FRMD7: variants seen among roughly 807,000 people sequenced by gnomAD.
The protein encoded by FRMD7 is FERM domain-containing protein 7.
Under a neutral mutation model 44.1 loss-of-function variants are expected in FRMD7, and 14 were observed. That is an observed-to-expected ratio of 0.32 (90% confidence interval 0.21 to 0.50). The LOEUF (loss-of-function observed/expected upper bound fraction) is 0.50. FRMD7 is among the 20% of genes least tolerant of loss of function. FRMD7 has a pLI of 0.99. For synonymous variants in FRMD7, 212 were observed against 187.4 expected (o/e 1.13, Z -1.07); for missense variants, 501 against 522.3 (o/e 0.96, Z 0.40).
intron 5 of FRMD7, among the ~76,000 whole-genome samples, chrX:132,093,438 C>T (rs1053360544): frequency 2.0e-4 from 22 of 112,390 alleles, no homozygotes; most frequent in African/African-American, 6.1e-4. Flanking sequence ...GCCTGCCAGG[C>T]ATCACCCCCT....
intron 11 of FRMD7, 116 bp from the exon 12 acceptor site, chrX:132,079,082 A>C (rs1927725054): frequency 1.6e-6 from 1 of 612,524 alleles, no homozygotes. Flanking sequence ...GTCATTTAAC[A>C]AGATCCATGT....
chrX:132,084,522 G>C lies in FRMD7; in HGVS notation c.709C>G (p.His237Asp). The change falls in exon 8 of 12, where the codon CAT becomes GAT. Residue 237 changes from histidine to aspartate, a missense_variant. By Grantham distance (81) the His-to-Asp change is moderately conservative. Coordinates refer to ENST00000298542, the MANE Select transcript of FRMD7 (RefSeq NM_194277.3). ...TTGGCATGAAGTTTGATGAGAAAAT[G>C]CTTTCTCTTAAAACTCAACTTGCGG... The part of the protein sequence containing the change: ...KIRKLSFKRK[H>D]FLIKLHANIL... 1 of 1,179,768 alleles carries C rather than the reference G, an allele frequency of 8.5e-7. No homozygotes were observed.
intron 1 of FRMD7, among the ~76,000 whole-genome samples, chrX:132,112,484 T>G (rs1928802119): frequency 1.8e-5 from 2 of 111,811 alleles, no homozygotes; most frequent in African/African-American, 3.3e-5. Flanking sequence ...TACTTAAGGT[T>G]TCCTGGTGGG....
intron 2 of FRMD7, among the ~76,000 whole-genome samples, chrX:132,099,748 A>G (rs1928444850): frequency 8.9e-6 from 1 of 112,210 alleles, no homozygotes; most frequent in African/African-American, 3.2e-5. Flanking sequence ...TTGACATTTG[A>G]ATCACTGCTC....
At chrX:132,091,691 CG>C (rs1452107076) in intron 5 of FRMD7, among the ~76,000 whole-genome samples, 1 of 105,214 alleles carries the variant, frequency 9.5e-6, no homozygotes, top group African/African-American at 3.5e-5. Flanking sequence ...AAAAAAAAGC[CG>C]GGTGTGGTGG....
chrX:132,095,490 T>A (rs189207903), intron 4 of FRMD7, among the ~76,000 whole-genome samples: 3,184 of 112,150 alleles, frequency 0.028, 39 homozygotes, highest in Middle Eastern at 0.05. Context: ...GTACTTTTTT[T>A]AAAACCAATT....
intron 2 of FRMD7, among the ~76,000 whole-genome samples, chrX:132,100,206 A>G (rs980564897): frequency 9.8e-5 from 11 of 112,067 alleles, no homozygotes; most frequent in Non-Finnish European, 1.9e-4. Flanking sequence ...ATGCTGGCTC[A>G]CAGCAACCTC....
chrX:132,086,326 T>C (rs1927990226), intron 5 of FRMD7, among the ~76,000 whole-genome samples: 1 of 111,558 alleles, frequency 9.0e-6, no homozygotes. Flanking sequence ...TGTTAGATTT[T>C]TCTTCTACCA....
At chrX:132,126,147 G>T (rs983114152) in intron 1 of FRMD7, among the ~76,000 whole-genome samples, 1 of 110,745 alleles carries the variant, frequency 9.0e-6, no homozygotes, top group East Asian at 2.8e-4. Flanking sequence ...AGCAGAGAAG[G>T]TACTATTGGA....
chrX:132,094,153 G>C lies in FRMD7; in HGVS notation c.285-14C>G. The stretch of plus-strand genomic sequence containing the variant: ...GTAAAAAGATACCTGCAAAGAAATT[G>C]GGGAGAATCTCTTGAGAAAGAAACA... On this transcript the variant is annotated splice_polypyrimidine_tract_variant and intron_variant, in intron 4 of 11. Transcript: ENST00000298542. The C allele has an allele frequency of 1.1e-6, 1 of 915,521 alleles. No homozygotes were observed. The highest frequency in any genetic ancestry group is 1.6e-6 in the Non-Finnish European group (1 of 625,862). 75.4% of individuals were successfully genotyped at this position (915,521 alleles called of 1,213,427 possible).
chrX:132,078,469 C>A lies in FRMD7; in HGVS notation c.1548G>T (p.Arg516Ser). The A allele has an allele frequency of 8.3e-7, 1 of 1,211,110 alleles. No individual in the cohort carries two copies. Among genetic ancestry groups the A allele is most frequent in the Admixed American group, 2.2e-5 (1 of 45,966 alleles). Residue 516 changes from arginine (R) to serine (S), a missense_variant, in exon 12 of 12, where the codon AGG (arginine) becomes AGT (serine). By Grantham distance (110) the Arg-to-Ser change is moderately radical (BLOSUM62 -1). Around this residue, in one of 3 missense-constraint regions of FRMD7, gnomAD observed 453 missense variants for 452.7 expected, o/e 1.00. Transcript: ENST00000298542. ...PRWSPIRAEE[R>S]TSPHSYVEPT... ...GCTCTACATAGCTATGTGGACTTGT[C>A]CTTTCCTCTGCTCTAATTGGGGACC... is the stretch of plus-strand genomic sequence containing the variant.
chrX:132,107,460 G>A (rs1928673373), intron 1 of FRMD7, among the ~76,000 whole-genome samples: 1 of 111,408 alleles, frequency 9.0e-6, no homozygotes, highest in Admixed American at 9.5e-5. Context: ...ACCATAGAGT[G>A]GGTGGCTCAA....
At chrX:132,089,541 C>T (rs1237287194) in intron 5 of FRMD7, among the ~76,000 whole-genome samples, 2 of 111,814 alleles carry the variant, frequency 1.8e-5, no homozygotes, top group Non-Finnish European at 3.8e-5. Flanking sequence ...AAAAGATATC[C>T]TTACAAAATG....
At chrX:132,121,490 TA>T (rs1929032089) in intron 1 of FRMD7, among the ~76,000 whole-genome samples, 1 of 111,226 alleles carries the variant, frequency 9.0e-6, no homozygotes, top group Admixed American at 9.6e-5. Flanking sequence ...CAAACACTTA[TA>T]TAGCACTTTC....
chrX:132,080,104 T>A (rs1457399906), intron 10 of FRMD7, 23 bp from the exon 11 acceptor site: 1 of 1,145,804 alleles, frequency 8.7e-7, no homozygotes, highest in East Asian at 3.0e-5. Context: ...AGCAGAGAAG[T>A]CATTGAAATG....
intron 11 of FRMD7, among the ~76,000 whole-genome samples, chrX:132,079,202 C>A (rs138245383): frequency 3.8e-3 from 422 of 112,392 alleles, no homozygotes; most frequent in African/African-American, 0.013. Flanking sequence ...TGCCATCCTA[C>A]TTCCAGACTC....
intron 9 of FRMD7, among the ~76,000 whole-genome samples, chrX:132,080,614 G>A (rs778237518): frequency 9.0e-6 from 1 of 111,342 alleles, no homozygotes; most frequent in African/African-American, 3.3e-5. Context: ...AGGAGTTTGA[G>A]ACCAGCCTGG....
In FRMD7 at chrX:132,086,054, C is replaced by T. The variant is rs766681979; in HGVS notation, c.383-20G>A. On this transcript the variant is annotated intron_variant, in intron 5 of 11. Coordinates refer to ENST00000298542, the MANE Select transcript of FRMD7 (RefSeq NM_194277.3). ...GTTCTGCTGCATGACAGGAAAAAGACATTTTTCACATTACCTTTGAGGAAC... is the reference window on the plus strand; with the variant it reads ...GTTCTGCTGCATGACAGGAAAAAGATATTTTTCACATTACCTTTGAGGAAC... The T allele has an allele frequency of 1.0e-6, 1 of 962,536 alleles. No individual in the cohort carries two copies. Among genetic ancestry groups the T allele is most frequent in the South Asian group, 1.9e-5 (1 of 51,800 alleles). The allele number at this position is 962,536 out of a possible 1,213,427, so 79.3% of individuals were successfully genotyped here. A position where few individuals can be genotyped will look rare whatever the true frequency, so the allele number is the denominator to read the frequency against.
chrX:132,102,288 C>T (rs781541143), intron 1 of FRMD7, among the ~76,000 whole-genome samples: 1 of 111,977 alleles, frequency 8.9e-6, no homozygotes, highest in South Asian at 3.7e-4. Flanking sequence ...TTTGGGTTAA[C>T]CCCAGTCCGA....
Sources: allele counts gnomAD v4.1 joint callset (sites outside exome capture counted in the v4.1 genomes callset), GRCh38; gene constraint gnomAD v4.1.1; regional missense constraint gnomAD v4.1.1; transcripts MANE v1.5; gene names NCBI Gene and HGNC (gene_info 2026-07-23, HGNC 2026-07-21).